AGPAT2: variants seen among roughly 807,000 people sequenced by gnomAD.
AGPAT2 encodes 1-acylglycerol-3-phosphate O-acyltransferase 2.
A neutral mutation model predicts 26.1 loss-of-function variants in AGPAT2; 18 were observed. That is an observed-to-expected ratio of 0.69 (90% CI 0.48 to 1.02). AGPAT2 has a LOEUF of 1.02. Ranked by LOEUF, AGPAT2 falls within the 50% of genes least tolerant of loss-of-function variation. The pLI, the probability that AGPAT2 is intolerant of heterozygous loss-of-function variation, is 0.00. For synonymous variants in AGPAT2, 200 were observed against 174.2 expected, an observed-to-expected ratio of 1.15 and a Z score of -1.16; for missense variants, 415 against 394.9, an observed-to-expected ratio of 1.05 and a Z score of -0.43.
chr9:136,675,218 G>A lies in AGPAT2; in HGVS notation c.589-411C>T, dbSNP rs541259581. Among the ~76,000 whole-genome samples the A allele has an allele frequency of 8.5e-5, 13 of 152,262 alleles. No homozygotes were observed. In the South Asian group the frequency reaches 1.5e-3, roughly 17 times the overall value. ...CCAGTGAGGGAGGCAGCCCTAGCCCGGGGGAGGGGTGGAGCCTGCTGGTGT... is the reference window on the plus strand; with the variant it reads ...CCAGTGAGGGAGGCAGCCCTAGCCCAGGGGAGGGGTGGAGCCTGCTGGTGT... On this transcript the variant is annotated intron_variant, in intron 4 of 5. Coordinates refer to ENST00000371696, the MANE Select transcript of AGPAT2 (RefSeq NM_006412.4).
chr9:136,679,398 C>T (rs545956914), intron 1 of AGPAT2, among the ~76,000 whole-genome samples: 1 of 152,324 alleles, frequency 6.6e-6, no homozygotes, highest in East Asian at 1.9e-4. Flanking sequence ...AGCCGTCCGT[C>T]CCTGGACTTG....
At chr9:136,674,203 C>G (rs964331623) in intron 5 of AGPAT2, among the ~76,000 whole-genome samples, 1 of 152,190 alleles carries the variant, frequency 6.6e-6, no homozygotes, top group African/African-American at 2.4e-5. Flanking sequence ...CTGATCAGCC[C>G]CTACCTCACT....
intron 2 of AGPAT2, 80 bp downstream of exon 2, chr9:136,677,343 C>T (rs1846105466): frequency 6.2e-7 from 1 of 1,603,386 alleles, no homozygotes; most frequent in Non-Finnish European, 8.5e-7. Flanking sequence ...GTGTCCTCGT[C>T]CCCGGGACCC....
At chr9:136,680,764 G>C (rs757441374) in intron 1 of AGPAT2, among the ~76,000 whole-genome samples, 3 of 151,334 alleles carry the variant, frequency 2.0e-5, no homozygotes, top group Non-Finnish European at 2.9e-5. Context: ...CCACCTCCCG[G>C]CAAGCGATTC....
At chr9:136,674,864 C>A (rs1846070381) in intron 4 of AGPAT2, 57 bp from the exon 5 acceptor site, 23 of 1,317,882 alleles carry the variant, frequency 1.7e-5, no homozygotes, top group Non-Finnish European at 2.1e-5. Context: ...AGGCACACCC[C>A]AGGCTGCATG....
At chr9:136,677,614 C>T (rs897174397) in intron 1 of AGPAT2, 58 bp from the exon 2 acceptor site, 21 of 1,583,862 alleles carry the variant, frequency 1.3e-5, no homozygotes, top group Admixed American at 1.0e-4. Flanking sequence ...GAGGCTGGGG[C>T]GCGAAGGCCT....
chr9:136,673,771 C>G lies in AGPAT2; in HGVS notation c.818G>C (p.Gly273Ala), dbSNP rs753350881. ...TCTGGGCTACTGGGCCGGCTGCACGCCAGACCCCGCAGTGGCCCCGTTCTC... is the reference window on the plus strand; with the variant it reads ...TCTGGGCTACTGGGCCGGCTGCACGGCAGACCCCGCAGTGGCCCCGTTCTC... ...PQENGATAGS[G>A]VQPAQ The change falls in exon 6 of 6, where the codon GGC (glycine) becomes GCC (alanine). Residue 273 changes from glycine (G) to alanine (A), a missense_variant. By Grantham distance (60) the Gly-to-Ala change is moderately conservative (BLOSUM62 0). Transcript: ENST00000371696. 3.1e-6 allele frequency: 5 copies of G among 1,599,474 alleles called. No individual in the cohort carries two copies. Among genetic ancestry groups the G allele is most frequent in the Non-Finnish European group, 3.4e-6 (4 of 1,174,608 alleles).
intron 1 of AGPAT2, among the ~76,000 whole-genome samples, chr9:136,681,866 G>A (rs963404454): frequency 1.3e-5 from 2 of 152,062 alleles, no homozygotes; most frequent in Non-Finnish European, 2.9e-5. Context: ...AGAGGCTCCT[G>A]CGGCCGAGGA....
chr9:136,683,390 G>A (rs554823939), intron 1 of AGPAT2, among the ~76,000 whole-genome samples: 3 of 152,140 alleles, frequency 2.0e-5, no homozygotes, highest in Admixed American at 2.0e-4. Context: ...CCTTGCCTTG[G>A]TCCTGGGCTG....
At chr9:136,679,810 G>A (rs1487546385) in intron 1 of AGPAT2, among the ~76,000 whole-genome samples, 1 of 152,196 alleles carries the variant, frequency 6.6e-6, no homozygotes, top group East Asian at 1.9e-4. Flanking sequence ...CGGCTGGCAG[G>A]AGTGAGGAGT....
chr9:136,677,745 A>C (rs1320769939), intron 1 of AGPAT2, among the ~76,000 whole-genome samples, 189 bp from the exon 2 acceptor site: 1 of 152,142 alleles, frequency 6.6e-6, no homozygotes, highest in African/African-American at 2.4e-5. Context: ...ACCCACCTGG[A>C]CGGCTGCCCT....
intron 1 of AGPAT2, among the ~76,000 whole-genome samples, chr9:136,683,627 G>A (rs904527504): frequency 6.6e-6 from 1 of 152,222 alleles, no homozygotes; most frequent in East Asian, 1.9e-4. Context: ...ACAAACACCC[G>A]GATGTGGGGG....
rs11545228 is a variant in AGPAT2, at chr9:136,673,868, C to G, written c.721G>C (p.Val241Leu). Residue 241 changes from valine (V) to leucine (L), a missense_variant, in exon 6 of 6, where the codon GTC becomes CTC. Physicochemically the swap from Val to Leu is conservative, Grantham distance 32 (BLOSUM62 1). Coordinates refer to ENST00000371696, the MANE Select transcript of AGPAT2 (RefSeq NM_006412.4). ...TGGCAGGTGTCCACGAGCGCAGGGA[C>G]GTCCGCCGCAGTGAGGCCGCTGGTG... Reference protein sequence around the residue: ...IPTSGLTAADVPALVDTCHRA... With the variant: ...IPTSGLTAADLPALVDTCHRA... 1.2e-4 allele frequency: 189 copies of G among 1,604,060 alleles called. No homozygotes were observed. Among genetic ancestry groups the G allele is most frequent in the Non-Finnish European group, 1.5e-4 (176 of 1,176,984 alleles).
Position 136,677,431 on chromosome 9 carries a change from T to C in AGPAT2, c.308A>G (p.Asp103Gly), listed in dbSNP as rs776686392. 20 of 1,613,036 alleles carry C rather than the reference T, an allele frequency of 1.2e-5. No individual in the cohort carries two copies. Among genetic ancestry groups the C allele is most frequent in the Non-Finnish European group, 1.4e-5 (16 of 1,179,932 alleles). Reference protein sequence around the residue: ...VIVSNHQSILDMMGLMEVLPE... With the variant: ...VIVSNHQSILGMMGLMEVLPE... ...CCCGAGGCCCGGCCTACCCATCATG[T>C]CCAGGATGCTCTGGTGGTTGGAGAC... The change falls in exon 2 of 6, where the codon GAC (aspartate) becomes GGC (glycine). Residue 103 changes from aspartate (D) to glycine (G), a missense_variant. Asp to Gly is a moderately conservative substitution (Grantham distance 94). Coordinates refer to ENST00000371696, the MANE Select transcript of AGPAT2 (RefSeq NM_006412.4).
chr9:136,679,964 G>C lies in AGPAT2; in HGVS notation c.183-2408C>G, dbSNP rs935814632. Reference sequence around the variant, plus strand: ...AGCCTGTGGTGCTGAAGTGTGCAGTGAATTAGGAAAACCTGAAAATGCTTA... The same window carrying C: ...AGCCTGTGGTGCTGAAGTGTGCAGTCAATTAGGAAAACCTGAAAATGCTTA... On this transcript the variant is annotated intron_variant, in intron 1 of 5. Coordinates refer to ENST00000371696, the MANE Select transcript of AGPAT2 (RefSeq NM_006412.4). Among the ~76,000 whole-genome samples, 2 of 152,238 alleles carry C rather than the reference G, an allele frequency of 1.3e-5. 1 individual carries two copies. Among genetic ancestry groups the C allele is most frequent in the Non-Finnish European group, 2.9e-5 (2 of 68,048 alleles).
rs368090654 is a variant in AGPAT2 at position 136,673,840 on chromosome 9, C to T, written c.749G>A (p.Arg250Gln). Residue 250 changes from arginine to glutamine, a missense_variant, in exon 6 of 6, where the codon CGG (arginine) becomes CAG (glutamine). Coordinates refer to ENST00000371696, the MANE Select transcript of AGPAT2 (RefSeq NM_006412.4). Reference protein sequence around the residue: ...DVPALVDTCHRAMRTTFLHIS... With the variant: ...DVPALVDTCHQAMRTTFLHIS... The stretch of plus-strand genomic sequence containing the variant: ...GTGGAGGAAGGTGGTCCTCATGGCC[C>T]GGTGGCAGGTGTCCACGAGCGCAGG... 173 of 1,606,096 alleles carry T rather than the reference C, an allele frequency of 1.1e-4. No homozygotes were observed. Among genetic ancestry groups the T allele is most frequent in the Non-Finnish European group, 1.4e-4 (162 of 1,178,002 alleles).
At chr9:136,683,186 C>T (rs925324899) in intron 1 of AGPAT2, among the ~76,000 whole-genome samples, 5 of 151,918 alleles carry the variant, frequency 3.3e-5, no homozygotes, top group Non-Finnish European at 2.9e-5. Context: ...GGGTTTAAGA[C>T]CAACCTGGGC....
chr9:136,686,827 T>C (rs1478189281), intron 1 of AGPAT2, among the ~76,000 whole-genome samples: 1 of 152,166 alleles, frequency 6.6e-6, no homozygotes, highest in Non-Finnish European at 1.5e-5. Flanking sequence ...GGGCTGAGCC[T>C]CTCCCAGCGC....
At position 136,676,629 on chromosome 9, in the gene AGPAT2, G is replaced by A. The variant is rs139685001; in HGVS notation, c.544C>T (p.Leu182=). ...TAGAAGGCGCCCTTCTTAAAAGGCAGCAGGTCCCCATTGTCGTTGCGAGTA... is the reference window on the plus strand; with the variant it reads ...TAGAAGGCGCCCTTCTTAAAAGGCAACAGGTCCCCATTGTCGTTGCGAGTA... The part of the protein sequence containing the change: ...EGTRNDNGDL[L]PFKKGAFYLA... The change falls in exon 4 of 6, where the codon CTG becomes TTG. Residue 182 remains leucine, a synonymous_variant. Coordinates refer to ENST00000371696, the MANE Select transcript of AGPAT2 (RefSeq NM_006412.4). The A allele has an allele frequency of 6.7e-5, 108 of 1,613,484 alleles. 1 individual carries two copies. The African/African-American group carries it at 1.2e-3, about 18-fold the overall frequency.
Sources: gnomAD v4.1 joint callset for allele counts (sites outside exome capture counted in the v4.1 genomes callset) on GRCh38, gnomAD v4.1.1 for gene constraint, MANE v1.5 for transcripts, NCBI Gene and HGNC (gene_info 2026-07-23, HGNC 2026-07-21) for gene names.